The following KCNK2 variants were observed in gnomAD, a reference collection of about 807,000 sequenced individuals.
The protein encoded by KCNK2 is potassium channel subfamily K member 2.
KCNK2 carries 21 observed loss-of-function variants against 40.5 expected under a neutral mutation model. That is an observed-to-expected ratio of 0.52 (90% CI 0.37 to 0.75). The LOEUF (loss-of-function observed/expected upper bound fraction) is 0.75, where lower values mean the gene tolerates loss of function less well. KCNK2 is among the 30% of genes least tolerant of loss of function. The pLI, the probability that KCNK2 is intolerant of heterozygous loss-of-function variation, is 0.00. For missense variants in KCNK2, 399 were observed against 531.6 expected, an observed-to-expected ratio of 0.75 and a Z score of 2.45; for synonymous variants, 191 against 202.2, an observed-to-expected ratio of 0.94 and a Z score of 0.47.
chr1:215,045,767 T>C (rs1657746813), intron 1 of KCNK2, among the ~76,000 whole-genome samples: 3 of 152,202 alleles, frequency 2.0e-5, no homozygotes, highest in Admixed American at 1.3e-4. Flanking sequence ...TCCTGGGCTC[T>C]CACCTGTAAA....
At chr1:215,019,684 A>G (rs1479130879) in intron 1 of KCNK2, among the ~76,000 whole-genome samples, 4 of 152,198 alleles carry the variant, frequency 2.6e-5, no homozygotes, top group Non-Finnish European at 4.4e-5. Context: ...ATTGCCACAT[A>G]CAATCCTTTC....
At chr1:215,081,281 G>A (rs138905533), upstream of KCNK2, among the ~76,000 whole-genome samples, 225 of 152,162 alleles carry the variant, frequency 1.5e-3, no homozygotes, top group Admixed American at 3.7e-3. Context: ...TGTGCACTGA[G>A]GGAAGGTAAC....
upstream of KCNK2, chr1:215,005,719 T>C (rs562747900): frequency 6.2e-5 from 34 of 548,542 alleles, no homozygotes; most frequent in Middle Eastern, 2.7e-4. Flanking sequence ...TTCACTTGCA[T>C]ACAGCAGCGT....
At chr1:215,009,927 A>G (rs1394110324) in intron 1 of KCNK2, among the ~76,000 whole-genome samples, 2 of 152,284 alleles carry the variant, frequency 1.3e-5, no homozygotes, top group East Asian at 1.9e-4. Flanking sequence ...GTCAATTACA[A>G]ATGTGCTCTT....
intron 6 of KCNK2, among the ~76,000 whole-genome samples, chr1:215,230,836 C>T (rs1166410621): frequency 1.3e-5 from 2 of 151,638 alleles, no homozygotes; most frequent in South Asian, 4.2e-4. Context: ...ACTTTTCCAC[C>T]TCTGGGAATT....
At chr1:215,201,331 A>G (rs1253571482) in intron 6 of KCNK2, among the ~76,000 whole-genome samples, 2 of 152,198 alleles carry the variant, frequency 1.3e-5, no homozygotes, top group African/African-American at 2.4e-5. Context: ...AGAATTCCCC[A>G]TTAGGTTGTG....
At chr1:215,183,203 G>C (rs1664296610) in intron 5 of KCNK2, among the ~76,000 whole-genome samples, 2 of 152,192 alleles carry the variant, frequency 1.3e-5, no homozygotes, top group South Asian at 4.2e-4. Flanking sequence ...GGAAAAAAAT[G>C]AATCTATTAT....
At chr1:215,168,195 G>T (rs115806584) in intron 3 of KCNK2, among the ~76,000 whole-genome samples, 2,112 of 152,174 alleles carry the variant, frequency 0.014, 55 homozygotes, top group African/African-American at 0.046. Context: ...ATGGCGATTA[G>T]TAAAAAGTAA....
rs552807813 is a variant in KCNK2, at chr1:215,159,113, C to T, written c.476-10086C>T. Among the ~76,000 whole-genome samples, 26 of 152,230 alleles carry T rather than the reference C, an allele frequency of 1.7e-4. 1 individual carries two copies. In the South Asian group the frequency reaches 3.3e-3, roughly 19 times the overall value. On this transcript the variant is annotated intron_variant, in intron 3 of 6. Transcript: ENST00000444842. The stretch of plus-strand genomic sequence containing the variant: ...GCTTTCTAGGCCTTTGTCATGCTTG[C>T]CCTGATGAATTATTTGTGCATGTTG...
At chr1:215,078,147 G>A (rs1268700995), upstream of KCNK2, among the ~76,000 whole-genome samples, 1 of 152,154 alleles carries the variant, frequency 6.6e-6, no homozygotes, top group Non-Finnish European at 1.5e-5. Flanking sequence ...ACCTCGTAAT[G>A]TTTTAAGAAA....
chr1:215,011,362 T>C (rs1656380882), intron 1 of KCNK2, among the ~76,000 whole-genome samples: 1 of 151,900 alleles, frequency 6.6e-6, no homozygotes, highest in African/African-American at 2.4e-5. Flanking sequence ...GGCACTGCCT[T>C]GGCTCACTGC....
At chr1:215,088,881 T>C (rs918967596) in intron 2 of KCNK2, among the ~76,000 whole-genome samples, 1 of 152,230 alleles carries the variant, frequency 6.6e-6, no homozygotes, top group Non-Finnish European at 1.5e-5. Flanking sequence ...CATAAAAATC[T>C]TTTTTATATC....
chr1:215,216,417 TTA>T (rs5780821), intron 6 of KCNK2, among the ~76,000 whole-genome samples: 16 of 147,622 alleles, frequency 1.1e-4, no homozygotes, highest in African/African-American at 3.2e-4. Flanking sequence ...ATATTGTATA[TTA>T]TATGTTATAA....
At chr1:215,219,503 C>T (rs916429852) in intron 6 of KCNK2, among the ~76,000 whole-genome samples, 1 of 152,120 alleles carries the variant, frequency 6.6e-6, no homozygotes, top group African/African-American at 2.4e-5. Flanking sequence ...TGAATTGATA[C>T]CCAACATAAG....
intron 3 of KCNK2, among the ~76,000 whole-genome samples, chr1:215,135,005 T>C (rs1229545011): frequency 6.6e-6 from 1 of 152,090 alleles, no homozygotes; most frequent in Non-Finnish European, 1.5e-5. Flanking sequence ...TAATAGATAA[T>C]TTCAGTGGTA....
At chr1:215,189,928 T>TA (rs1211793216) in intron 5 of KCNK2, among the ~76,000 whole-genome samples, 1 of 152,176 alleles carries the variant, frequency 6.6e-6, no homozygotes, top group African/African-American at 2.4e-5. Flanking sequence ...ATATTTAAGC[T>TA]AAAATACTTA....
intron 2 of KCNK2, among the ~76,000 whole-genome samples, chr1:215,102,840 G>A (rs11120493): frequency 0.11 from 16,180 of 151,952 alleles, 2,859 homozygotes; most frequent in African/African-American, 0.36. Flanking sequence ...CATATAGTCT[G>A]GGCGTGTAGT....
chr1:215,193,146 T>C (rs1387596407), intron 5 of KCNK2, among the ~76,000 whole-genome samples: 2 of 152,166 alleles, frequency 1.3e-5, no homozygotes, highest in African/African-American at 2.4e-5. Flanking sequence ...TTGCAATTTA[T>C]ACTTGATTTT....
At chr1:215,072,743 A>C (rs933281020) in intron 1 of KCNK2, among the ~76,000 whole-genome samples, 5 of 152,206 alleles carry the variant, frequency 3.3e-5, no homozygotes, top group Non-Finnish European at 4.4e-5. Context: ...ATGGTCTTGC[A>C]TTCATTTAAT....
Sources: allele counts gnomAD v4.1 joint callset (sites outside exome capture counted in the v4.1 genomes callset), GRCh38; gene constraint gnomAD v4.1.1; transcripts MANE v1.5; gene names NCBI Gene and HGNC (gene_info 2026-07-23, HGNC 2026-07-21).